Variants in DACH1 observed in about 807,000 individuals in gnomAD.
DACH1 encodes dachshund homolog 1.
A neutral mutation model predicts 54.2 loss-of-function variants in DACH1; 12 were observed. The observed-to-expected ratio is 0.22, with a 90% CI of 0.14 to 0.36. The LOEUF is 0.36. Among genes scored for constraint, DACH1 ranks in the 10% least tolerant of loss-of-function variants. The probability of loss-of-function intolerance (pLI) is 1.00; values close to 1 mark genes in which losing one functional copy is unlikely to be tolerated. For missense variants in DACH1, 805 were observed against 929.8 expected (o/e 0.87, Z 1.75); for synonymous variants, 386 against 366.2 (o/e 1.05, Z -0.62).
intron 1 of DACH1, among the ~76,000 whole-genome samples, chr13:71,786,531 G>A (rs574710201): frequency 2.6e-5 from 4 of 152,052 alleles, no homozygotes; most frequent in Middle Eastern, 3.2e-3. Context: ...AAGTAAAAAG[G>A]TTAATAAAAT....
At chr13:71,605,715 C>A (rs1418292325) in intron 3 of DACH1, among the ~76,000 whole-genome samples, 1 of 151,824 alleles carries the variant, frequency 6.6e-6, no homozygotes, top group East Asian at 1.9e-4. Context: ...TTCAATAAGT[C>A]TTACTTTTAT....
At chr13:71,581,002 G>A (rs1051278679) in intron 3 of DACH1, among the ~76,000 whole-genome samples, 2 of 128,610 alleles carry the variant, frequency 1.6e-5, no homozygotes, top group African/African-American at 2.7e-5. Flanking sequence ...TTAAAAGTTT[G>A]TCTTAATGTA....
intron 2 of DACH1, among the ~76,000 whole-genome samples, chr13:71,647,702 C>G (rs1268738990): frequency 6.6e-6 from 1 of 152,064 alleles, no homozygotes; most frequent in African/African-American, 2.4e-5. Context: ...ATGGGAATAC[C>G]TGAATCAAGT....
intron 6 of DACH1, among the ~76,000 whole-genome samples, chr13:71,517,990 C>T (rs1167378590): frequency 1.3e-5 from 2 of 151,786 alleles, no homozygotes; most frequent in Non-Finnish European, 1.5e-5. Context: ...AATGTATCCT[C>T]ATTGTAACAC....
At chr13:71,447,054 T>A (rs1874534106) in intron 10 of DACH1, among the ~76,000 whole-genome samples, 1 of 152,200 alleles carries the variant, frequency 6.6e-6, no homozygotes, top group African/African-American at 2.4e-5. Context: ...ATTTGATGCT[T>A]ACAGCTATAA....
At chr13:71,711,160 C>T (rs1304138744) in intron 1 of DACH1, among the ~76,000 whole-genome samples, 1 of 152,042 alleles carries the variant, frequency 6.6e-6, no homozygotes, top group African/African-American at 2.4e-5. Flanking sequence ...ACACTTCATG[C>T]ACTGGGAAAA....
chr13:71,654,458 G>GTAAAGTAAAGTAAAA (rs1566409141), intron 2 of DACH1, among the ~76,000 whole-genome samples: 2 of 71,290 alleles, frequency 2.8e-5, no homozygotes, highest in South Asian at 5.5e-4. Flanking sequence ...ATAAAATAAA[G>GTAAAGTAAAGTAAAA]TAAAATAAAA....
chr13:71,515,467 C>G (rs928709236), intron 6 of DACH1, among the ~76,000 whole-genome samples: 2 of 151,846 alleles, frequency 1.3e-5, no homozygotes, highest in Admixed American at 6.6e-5. Context: ...TGCATATATA[C>G]ATATAAAAAA....
intron 1 of DACH1, among the ~76,000 whole-genome samples, chr13:71,744,272 G>A (rs1884518326): frequency 1.3e-5 from 2 of 152,186 alleles, no homozygotes; most frequent in Non-Finnish European, 2.9e-5. Flanking sequence ...AATTTTAGAA[G>A]TTTACAAGAA....
At chr13:71,467,435 C>T (rs1383110357) in intron 10 of DACH1, among the ~76,000 whole-genome samples, 1 of 148,970 alleles carries the variant, frequency 6.7e-6, no homozygotes, top group Non-Finnish European at 1.5e-5. Flanking sequence ...ACCAGCATGG[C>T]CATGTATACA....
chr13:71,561,305 G>A (rs1286884170), intron 4 of DACH1, among the ~76,000 whole-genome samples: 2 of 152,132 alleles, frequency 1.3e-5, no homozygotes, highest in African/African-American at 4.8e-5. Context: ...CTAACCTTTG[G>A]TCCCTATCAA....
chr13:71,553,619 ATATAACATT>A lies in DACH1; in HGVS notation c.1570+3396_1570+3404del, dbSNP rs1184469881. On this transcript the variant is annotated intron_variant, in intron 6 of 10. Coordinates refer to ENST00000613252, the MANE Select transcript of DACH1 (RefSeq NM_080759.6). ...ATTTTTGTATTTTATATTGTTATAT[ATATAACATT>A]TGTTTTTGTATTTTATATATATAGT... is the stretch of plus-strand genomic sequence containing the variant. Among the ~76,000 whole-genome samples the A allele has an allele frequency of 2.1e-5, 3 of 146,198 alleles. No individual in the cohort carries two copies. The Admixed American group carries it at 2.1e-4, about 10-fold the overall frequency.
chr13:71,610,727 G>A lies in DACH1; in HGVS notation c.1126+19829C>T, dbSNP rs140321085. Among the ~76,000 whole-genome samples the A allele has an allele frequency of 8.5e-4, 129 of 151,902 alleles. 1 individual carries two copies. The highest frequency in any genetic ancestry group is 3.1e-3 in the African/African-American group (129 of 41,414). On this transcript the variant is annotated intron_variant, in intron 3 of 10. Coordinates refer to ENST00000613252, the MANE Select transcript of DACH1 (RefSeq NM_080759.6). ...ACATCTCTTTAAGCTTGGTGTTTGG[G>A]GTGCAAAGAGTTTACTAACACTTAG...
chr13:71,636,276 T>G (rs1344608385), intron 2 of DACH1, among the ~76,000 whole-genome samples: 1 of 152,054 alleles, frequency 6.6e-6, no homozygotes, highest in Non-Finnish European at 1.5e-5. Context: ...AAGACAAAAA[T>G]GTACTGAACT....
At chr13:71,536,562 T>G (rs1882820520) in intron 6 of DACH1, among the ~76,000 whole-genome samples, 1 of 152,162 alleles carries the variant, frequency 6.6e-6, no homozygotes, top group Non-Finnish European at 1.5e-5. Context: ...GCCCAGTGGC[T>G]GCAAATCCAA....
At chr13:71,857,550 A>T (rs1162822108) in intron 1 of DACH1, among the ~76,000 whole-genome samples, 2 of 151,752 alleles carry the variant, frequency 1.3e-5, no homozygotes, top group Admixed American at 6.6e-5. Flanking sequence ...TTTAAAGCAT[A>T]GAGTACAAAT....
At chr13:71,827,492 A>G (rs762592083) in intron 1 of DACH1, among the ~76,000 whole-genome samples, 2 of 152,122 alleles carry the variant, frequency 1.3e-5, no homozygotes, top group Non-Finnish European at 2.9e-5. Flanking sequence ...TTGAGAAAAC[A>G]TTCATTCAAC....
chr13:71,665,538 G>A (rs1594069839), intron 2 of DACH1, among the ~76,000 whole-genome samples: 1 of 151,924 alleles, frequency 6.6e-6, no homozygotes. Context: ...AGATATTATG[G>A]TGTAAACTAG....
intron 1 of DACH1, among the ~76,000 whole-genome samples, chr13:71,829,397 A>T (rs965526980): frequency 2.0e-5 from 3 of 152,004 alleles, no homozygotes; most frequent in Non-Finnish European, 2.9e-5. Context: ...ACTTTAGAAT[A>T]AGTTTGTCTA....
Sources: allele counts gnomAD v4.1 joint callset (sites outside exome capture counted in the v4.1 genomes callset), GRCh38; gene constraint gnomAD v4.1.1; transcripts MANE v1.5; gene names NCBI Gene and HGNC (gene_info 2026-07-23, HGNC 2026-07-21).